USP7: variants seen among roughly 807,000 people sequenced by gnomAD.
USP7 encodes the protein ubiquitin specific peptidase 7.
Under a neutral mutation model 162.9 loss-of-function variants are expected in USP7, and 9 were observed. That is an observed-to-expected ratio of 0.06 (90% CI 0.03 to 0.10). The LOEUF is 0.10. Ranked by LOEUF, USP7 falls within the 10% of genes least tolerant of loss-of-function variation. USP7 has a pLI of 1.00. For missense variants in USP7, 715 were observed against 1,373.7 expected (o/e 0.52, Z 7.58); for synonymous variants, 562 against 475.9 (o/e 1.18, Z -2.35).
intron 6 of USP7, 38 bp downstream of exon 6, chr16:8,918,993 G>A (rs752665247): frequency 6.1e-5 from 97 of 1,599,230 alleles, no homozygotes; most frequent in Admixed American, 5.3e-4. Context: ...AAGAAAGGGT[G>A]AGCGGAAGGC....
intron 1 of USP7, among the ~76,000 whole-genome samples, chr16:8,943,679 CT>C (rs1389320334): frequency 6.6e-6 from 1 of 152,220 alleles, no homozygotes. Context: ...AGTCGAATGG[CT>C]GGCGGGAACA....
chr16:8,946,965 G>A (rs1284187674), intron 1 of USP7, among the ~76,000 whole-genome samples: 3 of 152,198 alleles, frequency 2.0e-5, no homozygotes, highest in Non-Finnish European at 1.5e-5. Flanking sequence ...CACTGAAAGT[G>A]CATGACGAAC....
chr16:8,910,943 CTAACAG>C (rs767382398), intron 10 of USP7, 116 bp from the exon 11 acceptor site: 6 of 813,246 alleles, frequency 7.4e-6, no homozygotes, highest in Non-Finnish European at 1.2e-5. Flanking sequence ...GTAAACAACA[CTAACAG>C]TAACTCTCCC....
At chr16:8,941,189 T>C (rs1035157474) in intron 1 of USP7, among the ~76,000 whole-genome samples, 4 of 151,790 alleles carry the variant, frequency 2.6e-5, no homozygotes, top group Non-Finnish European at 5.9e-5. Context: ...CCTCACGCCC[T>C]CTGTGCCTGA....
At position 8,917,639 on chromosome 16, in the gene USP7, A is replaced by G. The variant is rs553063578; in HGVS notation, c.721-483T>C. On this transcript the variant is annotated intron_variant, in intron 6 of 30. Coordinates refer to ENST00000344836, the MANE Select transcript of USP7 (RefSeq NM_003470.3). ...GGGGATCTGCCCACCTTGGCCTCCC[A>G]AAGTGCTGGGATTATAGGCGAGAGC... Among the ~76,000 whole-genome samples, 30 of 152,338 alleles carry G rather than the reference A, an allele frequency of 2.0e-4. No individual in the cohort carries two copies. The South Asian group carries it at 5.0e-3, about 25-fold the overall frequency.
chr16:8,928,295 C>G (rs765988791), intron 2 of USP7, among the ~76,000 whole-genome samples: 2 of 152,100 alleles, frequency 1.3e-5, no homozygotes, highest in African/African-American at 2.4e-5. Context: ...ATTGTGTGCC[C>G]TAGTCTGAAA....
chr16:8,893,037 T>G lies in USP7; in HGVS notation c.*961A>C, dbSNP rs2061624186. On this transcript the variant is annotated 3_prime_UTR_variant, in exon 31 of 31. Transcript: ENST00000344836. ...AATATCAACATCAGTGAAATTCACT[T>G]GCAGACTCACCCAACAAAAAGGAAC... 1 of 152,206 alleles carries G rather than the reference T, an allele frequency of 6.6e-6. No homozygotes were observed. Among genetic ancestry groups the G allele is most frequent in the African/African-American group, 2.4e-5 (1 of 41,454 alleles). The allele number at this position is 152,206 out of a possible 1,614,324, so 9.4% of individuals were successfully genotyped here.
intron 26 of USP7, 88 bp downstream of exon 26, chr16:8,896,911 G>A (rs2061689760): frequency 2.0e-6 from 2 of 983,714 alleles, no homozygotes; most frequent in East Asian, 2.4e-5. Flanking sequence ...GATCCCAGCT[G>A]GGTGATTTCC....
intron 11 of USP7, among the ~76,000 whole-genome samples, chr16:8,909,079 G>T (rs2061903201): frequency 6.6e-6 from 1 of 152,226 alleles, no homozygotes; most frequent in Non-Finnish European, 1.5e-5. Flanking sequence ...GCCGGACTCT[G>T]TGGGACAGGA....
rs762752076 is a variant in USP7 at position 8,894,087 on chromosome 16, G to A, written c.3220C>T (p.Arg1074Trp). The change falls in exon 31 of 31, where the codon CGG (arginine) becomes TGG (tryptophan). Residue 1074 changes from arginine (R) to tryptophan (W), a missense_variant. Arg to Trp is a moderately radical substitution (Grantham distance 101). Transcript: ENST00000344836. ...EPQPGNMSHP[R>W]PWLGLDHFNK... ...AAGTGGTCGAGCCCTAGCCAAGGCC[G>A]AGGATGAGACATATTACCTGGTGGG... 4.3e-6 allele frequency: 7 copies of A among 1,614,180 alleles called. No individual in the cohort carries two copies. Among genetic ancestry groups the A allele is most frequent in the South Asian group, 2.2e-5 (2 of 91,086 alleles).
intron 1 of USP7, among the ~76,000 whole-genome samples, chr16:8,952,606 C>G: frequency 6.6e-6 from 1 of 152,186 alleles, no homozygotes; most frequent in East Asian, 2.0e-4. Flanking sequence ...CTAGGCCCAC[C>G]TGGGGCATGC....
chr16:8,958,428 T>C (rs1899891333), intron 1 of USP7, among the ~76,000 whole-genome samples: 1 of 152,200 alleles, frequency 6.6e-6, no homozygotes, highest in South Asian at 2.1e-4. Flanking sequence ...CCAAGTCCTT[T>C]TCAGCAAGGC....
chr16:8,930,518 TAAAG>T (rs1477080857), intron 1 of USP7, 121 bp from the exon 2 acceptor site: 3 of 660,532 alleles, frequency 4.5e-6, no homozygotes, highest in Admixed American at 3.5e-5. Flanking sequence ...TGTACCACAA[TAAAG>T]ATTCATTCTA....
chr16:8,899,452 G>GC (rs927330258), intron 22 of USP7, 152 bp downstream of exon 22: 1 of 1,021,992 alleles, frequency 9.8e-7, no homozygotes, highest in African/African-American at 1.6e-5. Flanking sequence ...AGCTCCCAAG[G>GC]CAGAGAGCCT....
intron 1 of USP7, among the ~76,000 whole-genome samples, chr16:8,941,292 C>G (rs1336042790): frequency 6.6e-6 from 1 of 152,218 alleles, no homozygotes; most frequent in Non-Finnish European, 1.5e-5. Flanking sequence ...CTGAAAGCAC[C>G]TTTCTAAGCT....
In USP7 at chr16:8,900,411, T is replaced by TA. The variant is rs369533422; in HGVS notation, c.2309+118dup. 1.7e-3 allele frequency: 1,110 copies of TA among 650,278 alleles called. 5 individuals are homozygous for TA. Among genetic ancestry groups the TA allele is most frequent in the African/African-American group, 0.012 (619 of 53,358 alleles). The allele number at this position is 650,278 out of a possible 1,614,324, so 40.3% of individuals were successfully genotyped here. A position where few individuals can be genotyped will look rare whatever the true frequency, so the allele number is the denominator to read the frequency against. On this transcript the variant is annotated intron_variant, in intron 21 of 30. Coordinates refer to ENST00000344836, the MANE Select transcript of USP7 (RefSeq NM_003470.3). ...AGAGAAAGCCTCTCAACAGTTACAT[T>TA]AAAAAAAACAAAAACAAAAACGTGG...
chr16:8,927,778 G>C (rs1567230740), intron 2 of USP7, among the ~76,000 whole-genome samples: 1 of 152,264 alleles, frequency 6.6e-6, no homozygotes, highest in African/African-American at 2.4e-5. Flanking sequence ...GGAGGTTGCA[G>C]TGAGCTGAGA....
chr16:8,956,072 T>G (rs1342528067), intron 1 of USP7, among the ~76,000 whole-genome samples: 3 of 152,132 alleles, frequency 2.0e-5, no homozygotes, highest in African/African-American at 7.2e-5. Context: ...AGATGCCAGT[T>G]TAACAACTTA....
At chr16:8,947,584 G>A (rs1421819271) in intron 1 of USP7, among the ~76,000 whole-genome samples, 1 of 152,166 alleles carries the variant, frequency 6.6e-6, no homozygotes, top group Non-Finnish European at 1.5e-5. Context: ...CCGGCCTCAA[G>A]TGATCCACCC....
Sources: allele counts gnomAD v4.1 joint callset (sites outside exome capture counted in the v4.1 genomes callset), GRCh38; gene constraint gnomAD v4.1.1; transcripts MANE v1.5; gene names NCBI Gene and HGNC (gene_info 2026-07-23, HGNC 2026-07-21).